The following DAB1 variants were observed in gnomAD, a reference collection of about 807,000 sequenced individuals.
DAB1 encodes the protein disabled homolog 1.
Under a neutral mutation model 64.6 loss-of-function variants are expected in DAB1, and 15 were observed. That is an observed-to-expected ratio of 0.23 (90% CI 0.16 to 0.36). The LOEUF is 0.36. Among genes scored for constraint, DAB1 ranks in the 10% least tolerant of loss-of-function variants. The pLI is 1.00. For synonymous variants in DAB1, 235 were observed against 251.9 expected (o/e 0.93, Z 0.64); for missense variants, 596 against 706.7 (o/e 0.84, Z 1.78).
chr1:57,138,819 C>G (rs1053990654), intron 3 of DAB1, among the ~76,000 whole-genome samples: 2 of 152,204 alleles, frequency 1.3e-5, no homozygotes, highest in Admixed American at 1.3e-4. Context: ...TCAATTTCCT[C>G]CTGGAAGTTA....
chr1:58,099,476 C>G (rs1467461544), intron 5 of DAB1, among the ~76,000 whole-genome samples: 2 of 152,314 alleles, frequency 1.3e-5, no homozygotes, highest in Non-Finnish European at 2.9e-5. Context: ...TTAACACTGC[C>G]TGAATCAAAA....
chr1:57,557,724 C>G (rs978557601), intron 7 of DAB1, among the ~76,000 whole-genome samples: 3 of 152,104 alleles, frequency 2.0e-5, no homozygotes, highest in African/African-American at 7.2e-5. Flanking sequence ...GCATTTGACA[C>G]TCCTGATTCA....
At chr1:57,766,583 C>T (rs1210925987) in intron 6 of DAB1, among the ~76,000 whole-genome samples, 2 of 152,156 alleles carry the variant, frequency 1.3e-5, no homozygotes, top group African/African-American at 4.8e-5. Context: ...CGGGTCTTTG[C>T]TGGAGCTGCT....
chr1:57,914,542 G>A (rs970616591), intron 5 of DAB1, among the ~76,000 whole-genome samples: 2 of 152,014 alleles, frequency 1.3e-5, no homozygotes, highest in Non-Finnish European at 2.9e-5. Flanking sequence ...TGCACGTTGT[G>A]CACATGTACC....
In DAB1 at chr1:58,329,134, T is replaced by G. The variant is rs542697001; in HGVS notation, n.309+14218A>C. ...TGTATTTTTCTTACTACAAAAGTAATAGAGGATAAGTGCAGAAAATGTAGA... is the reference window on the plus strand; with the variant it reads ...TGTATTTTTCTTACTACAAAAGTAAGAGAGGATAAGTGCAGAAAATGTAGA... On this transcript the variant is annotated intron_variant and non_coding_transcript_variant, in intron 4 of 20. Transcript: ENST00000485760. Among the ~76,000 whole-genome samples, 5 of 152,358 alleles carry G rather than the reference T, an allele frequency of 3.3e-5. No homozygotes were observed. The East Asian group carries it at 9.6e-4, about 29-fold the overall frequency.
intron 3 of DAB1, among the ~76,000 whole-genome samples, chr1:58,395,115 G>T (rs1644508374): frequency 6.6e-6 from 1 of 152,104 alleles, no homozygotes; most frequent in Non-Finnish European, 1.5e-5. Flanking sequence ...AAAGTGAGAG[G>T]CCCTGTTTGC....
intron 14 of DAB1, among the ~76,000 whole-genome samples, chr1:57,003,461 C>T (rs1043950121): frequency 6.6e-6 from 1 of 152,052 alleles, no homozygotes; most frequent in African/African-American, 2.4e-5. Flanking sequence ...TGCAGTTACT[C>T]AGCCAGCACA....
chr1:57,245,293 T>A (rs901029212), intron 2 of DAB1, among the ~76,000 whole-genome samples: 4 of 152,150 alleles, frequency 2.6e-5, no homozygotes, highest in South Asian at 2.1e-4. Flanking sequence ...TCTATTTTTT[T>A]AATTATACTT....
intron 9 of DAB1, among the ~76,000 whole-genome samples, chr1:57,036,482 C>T (rs1647157362): frequency 6.6e-6 from 1 of 152,178 alleles, no homozygotes; most frequent in Non-Finnish European, 1.5e-5. Context: ...TGGGGAGATG[C>T]TGCCAGCTAA....
intron 1 of DAB1, among the ~76,000 whole-genome samples, chr1:57,317,448 A>G (rs980818147): frequency 2.0e-5 from 3 of 152,056 alleles, no homozygotes; most frequent in African/African-American, 7.2e-5. Flanking sequence ...TTAAAACACA[A>G]TTTTTTTTAG....
At chr1:58,048,767 C>T (rs969752682) in intron 5 of DAB1, 26 of 1,231,702 alleles carry the variant, frequency 2.1e-5, no homozygotes, top group Non-Finnish European at 3.1e-5. Flanking sequence ...TTCCTAACTT[C>T]ACAGTTGTGG....
At chr1:57,525,915 A>G in intron 7 of DAB1, among the ~76,000 whole-genome samples, 1 of 151,300 alleles carries the variant, frequency 6.6e-6, no homozygotes, top group Non-Finnish European at 1.5e-5. Context: ...ATGCGAATAT[A>G]TTTAAACAAT....
chr1:57,962,829 T>C (rs890756195), intron 5 of DAB1, among the ~76,000 whole-genome samples: 3 of 151,470 alleles, frequency 2.0e-5, no homozygotes, highest in Admixed American at 1.3e-4. Context: ...GCTGCAATTA[T>C]GTACCACTGC....
chr1:58,512,308 T>C (rs1195762205), intron 2 of DAB1, among the ~76,000 whole-genome samples: 3 of 152,138 alleles, frequency 2.0e-5, no homozygotes, highest in African/African-American at 4.8e-5. Flanking sequence ...AGTGAGAACA[T>C]AAAATGGTGT....
intron 7 of DAB1, among the ~76,000 whole-genome samples, chr1:57,611,990 A>C (rs1645732360): frequency 6.6e-6 from 1 of 152,074 alleles, no homozygotes; most frequent in Non-Finnish European, 1.5e-5. Flanking sequence ...CATTAAGCTC[A>C]TTCATGTCTC....
rs143995488 is a variant in DAB1, at chr1:56,996,551, G to T, written c.*1593C>A. The T allele has an allele frequency of 6.6e-6, 1 of 152,352 alleles. No individual in the cohort carries two copies. The highest frequency in any genetic ancestry group is 2.1e-4 in the South Asian group (1 of 4,818). The allele number at this position is 152,352 out of a possible 1,614,324, so 9.4% of individuals were successfully genotyped here. ...AAACAGTCCAGTGATTTATATCGGG[G>T]GTAGGTGGGAGTGGGGAGGTGGGAG... On this transcript the variant is annotated 3_prime_UTR_variant, in exon 15 of 15. Coordinates refer to ENST00000371236, the MANE Select transcript of DAB1 (RefSeq NM_001365792.1).
In DAB1 at chr1:57,991,929, G is replaced by A. The variant is rs547932997; in HGVS notation, n.388-107767C>T. Among the ~76,000 whole-genome samples the A allele has an allele frequency of 1.6e-4, 24 of 146,664 alleles. 1 individual carries two copies. In the South Asian group the frequency reaches 2.7e-3, roughly 17 times the overall value. On this transcript the variant is annotated intron_variant and non_coding_transcript_variant, in intron 5 of 20. Transcript: ENST00000485760. ...ATGGTGGAAGGGAGATTGGATGCCC[G>A]AGTTGAGAAGGTCAAGTCAAGGAGG...
chr1:57,150,696 G>T (rs1394930059), intron 2 of DAB1, among the ~76,000 whole-genome samples: 1 of 152,186 alleles, frequency 6.6e-6, no homozygotes, highest in Non-Finnish European at 1.5e-5. Context: ...GATGGCATTT[G>T]AGTAAAGCCT....
At chr1:57,618,427 A>G (rs1645815646) in intron 7 of DAB1, among the ~76,000 whole-genome samples, 2 of 135,298 alleles carry the variant, frequency 1.5e-5, no homozygotes, top group South Asian at 4.7e-4. Context: ...AAAAAAAAAA[A>G]AAAGCAGCAG....
Sources: gnomAD v4.1 joint callset for allele counts (sites outside exome capture counted in the v4.1 genomes callset) on GRCh38, gnomAD v4.1.1 for gene constraint, MANE v1.5 for transcripts, NCBI Gene and HGNC (gene_info 2026-07-23, HGNC 2026-07-21) for gene names.